IL2RA: variants seen among roughly 807,000 people sequenced by gnomAD.
The protein encoded by IL2RA is interleukin 2 receptor subunit alpha.
A neutral mutation model predicts 37.8 loss-of-function variants in IL2RA; 24 were observed. The observed-to-expected ratio is 0.63, with a 90% CI of 0.46 to 0.89. The LOEUF is 0.89. Among genes scored for constraint, IL2RA ranks in the 40% least tolerant of loss-of-function variants. IL2RA has a pLI of 0.00. For missense variants in IL2RA, 319 were observed against 348.6 expected (o/e 0.92, Z 0.68); for synonymous variants, 125 against 114.6 (o/e 1.09, Z -0.58).
At position 6,016,658 on chromosome 10, in the gene IL2RA, C is replaced by T. The variant is rs79047641; in HGVS notation, c.794+1395G>A. On this transcript the variant is annotated intron_variant, in intron 7 of 7. Coordinates refer to ENST00000379959, the MANE Select transcript of IL2RA (RefSeq NM_000417.3). ...CGCGATCTTGGCTCACTGCAACCTC[C>T]GCCTCCTGGGTTCAAGTGATTCTCC... Among the ~76,000 whole-genome samples the T allele has an allele frequency of 6.4e-4, 97 of 152,118 alleles. 2 individuals carry two copies. In the East Asian group the frequency reaches 0.016, roughly 25 times the overall value.
chr10:6,056,423 G>A lies in IL2RA; in HGVS notation c.64+5665C>T, dbSNP rs1363315079. Reference sequence around the variant, plus strand: ...TATGTGAACTCTTTCAGTGAAGAAGGTCTTATAACTTTTAGAAGTAATCAA... The same window carrying A: ...TATGTGAACTCTTTCAGTGAAGAAGATCTTATAACTTTTAGAAGTAATCAA... On this transcript the variant is annotated intron_variant, in intron 1 of 7. Transcript: ENST00000379959. This position sits in a 1 kb window ranked among gnomAD's most constrained non-coding sequence, Gnocchi z 5.0. Among the ~76,000 whole-genome samples, 1 of 152,228 alleles carries A rather than the reference G, an allele frequency of 6.6e-6. No homozygotes were observed. Among genetic ancestry groups the A allele is most frequent in the Admixed American group, 6.5e-5 (1 of 15,284 alleles).
At position 6,021,369 on chromosome 10, in the gene IL2RA, G is replaced by T; in HGVS notation, c.583+109C>A. 1 of 935,158 alleles carries T rather than the reference G, an allele frequency of 1.1e-6. No homozygotes were observed. The highest frequency in any genetic ancestry group is 1.3e-5 in the South Asian group (1 of 76,616). The allele number at this position is 935,158 out of a possible 1,614,324, so 57.9% of individuals were successfully genotyped here. On this transcript the variant is annotated intron_variant, in intron 4 of 7. Coordinates refer to ENST00000379959, the MANE Select transcript of IL2RA (RefSeq NM_000417.3). This position sits in a 1 kb window ranked among gnomAD's most constrained non-coding sequence, Gnocchi z 4.9. The stretch of plus-strand genomic sequence containing the variant: ...AAAATGGAAGCCCAGGGAGATCAAG[G>T]GTCTTGTCCAAGGACCACTCTTGTC...
intron 1 of IL2RA, among the ~76,000 whole-genome samples, chr10:6,039,030 G>C (rs1839731352): frequency 6.6e-6 from 1 of 152,222 alleles, no homozygotes; most frequent in Non-Finnish European, 1.5e-5. Context: ...TGCAGTTACA[G>C]AATGTTGGAC....
rs906040676 is a variant in IL2RA at position 6,014,640 on chromosome 10, C to A, written c.795-1744G>T. ...GTTCAGCCTGAGGAAGGAGAGGATG[C>A]AAGTACTGAGTACACGTACAACATG... is the stretch of plus-strand genomic sequence containing the variant. On this transcript the variant is annotated intron_variant, in intron 7 of 7. Coordinates refer to ENST00000379959, the MANE Select transcript of IL2RA (RefSeq NM_000417.3). This position sits in a 1 kb window ranked among gnomAD's most constrained non-coding sequence, Gnocchi z 4.4. Among the ~76,000 whole-genome samples the A allele has an allele frequency of 1.3e-5, 2 of 152,160 alleles. No individual in the cohort carries two copies. The highest frequency in any genetic ancestry group is 4.8e-5 in the African/African-American group (2 of 41,430).
intron 1 of IL2RA, 69 bp from the exon 2 acceptor site, chr10:6,026,094 T>C: frequency 6.9e-7 from 1 of 1,451,472 alleles, no homozygotes; most frequent in Admixed American, 1.7e-5. Flanking sequence ...TTTAATCCTA[T>C]AATGACTTAA....
intron 1 of IL2RA, among the ~76,000 whole-genome samples, chr10:6,038,813 A>T (rs1164546219): frequency 2.0e-5 from 3 of 152,260 alleles, no homozygotes; most frequent in Admixed American, 1.3e-4. Context: ...ATTCATGTTA[A>T]GATGTTAAAA....
Position 6,033,834 on chromosome 10 carries a change from T to C in IL2RA, c.65-7809A>G, listed in dbSNP as rs1288442866. ...AGTGATGAAAACGTTTTTGCAGCTGTACACATTTGTCAAAACTCATCAAAT... is the reference window on the plus strand; with the variant it reads ...AGTGATGAAAACGTTTTTGCAGCTGCACACATTTGTCAAAACTCATCAAAT... On this transcript the variant is annotated intron_variant, in intron 1 of 7. Coordinates refer to ENST00000379959, the MANE Select transcript of IL2RA (RefSeq NM_000417.3). This position sits in a 1 kb window ranked among gnomAD's most constrained non-coding sequence, Gnocchi z 4.3. 5.3e-5 allele frequency among the ~76,000 whole-genome samples: 8 copies of C among 152,240 alleles called. No individual in the cohort carries two copies. The highest frequency in any genetic ancestry group is 1.9e-4 in the African/African-American group (8 of 41,466).
intron 1 of IL2RA, among the ~76,000 whole-genome samples, chr10:6,040,018 C>T (rs1392629615): frequency 6.6e-6 from 1 of 152,164 alleles, no homozygotes; most frequent in South Asian, 2.1e-4. Context: ...AAAACAGCAT[C>T]ATCATATGGA....
In IL2RA at chr10:6,058,438, G is replaced by A. The variant is rs1039588104; in HGVS notation, c.64+3650C>T. ...AGGAAAGTAGCAACTGTCTTATGAA[G>A]AGCTCCCAATGTTTAGGAAAGCCCT... On this transcript the variant is annotated intron_variant, in intron 1 of 7. Transcript: ENST00000379959. This position sits in a 1 kb window ranked among gnomAD's most constrained non-coding sequence, Gnocchi z 4.2. 6.6e-6 allele frequency among the ~76,000 whole-genome samples: 1 copy of A among 152,188 alleles called. No individual in the cohort carries two copies. Among genetic ancestry groups the A allele is most frequent in the Non-Finnish European group, 1.5e-5 (1 of 68,012 alleles).
chr10:6,013,326 G>A (rs12722597), intron 7 of IL2RA, among the ~76,000 whole-genome samples: 7,342 of 152,252 alleles, frequency 0.048, 201 homozygotes, highest in Middle Eastern at 0.078. Flanking sequence ...CTTGAAATGT[G>A]GCTAGTGCAA....
rs766009104 is a variant in IL2RA, at chr10:6,054,280, C to G, written c.64+7808G>C. ...TGGGACTCCAGCCCTGTGGTGTGCA[C>G]GTGGCTCGGGCTGGGTCAGGAAAAA... On this transcript the variant is annotated intron_variant, in intron 1 of 7. Coordinates refer to ENST00000379959, the MANE Select transcript of IL2RA (RefSeq NM_000417.3). The surrounding 1 kb of genome is among the most constrained non-coding windows in gnomAD (Gnocchi z 4.5). Among the ~76,000 whole-genome samples the G allele has an allele frequency of 3.3e-5, 5 of 152,146 alleles. No individual in the cohort carries two copies. The highest frequency in any genetic ancestry group is 7.3e-5 in the Non-Finnish European group (5 of 68,044).
At chr10:6,037,061 A>C (rs1464512006) in intron 1 of IL2RA, among the ~76,000 whole-genome samples, 1 of 152,098 alleles carries the variant, frequency 6.6e-6, no homozygotes, top group African/African-American at 2.4e-5. Flanking sequence ...CCCCCTCTCC[A>C]TCTGCCCCCT....
intron 1 of IL2RA, among the ~76,000 whole-genome samples, chr10:6,060,613 G>C (rs184332316): frequency 2.0e-5 from 3 of 152,074 alleles, no homozygotes; most frequent in African/African-American, 7.2e-5. Flanking sequence ...AAATTAGCTG[G>C]TCGTGGTGGT....
rs71390109 is a variant in IL2RA at position 6,017,572 on chromosome 10, ATT to A, written c.794+479_794+480del. Among the ~76,000 whole-genome samples, 328 of 104,844 alleles carry A rather than the reference ATT, an allele frequency of 3.1e-3. 1 individual carries two copies. The highest frequency in any genetic ancestry group is 0.022 in the Middle Eastern group (4 of 182). 68.8% of individuals were successfully genotyped at this position (104,844 alleles called of 152,430 possible). On this transcript the variant is annotated intron_variant, in intron 7 of 7. Coordinates refer to ENST00000379959, the MANE Select transcript of IL2RA (RefSeq NM_000417.3). ...GCCTTCCCATTTCCCTGGTCGTTTAATTTTTTTTTTTTTTTTTTTTTGAGACA... is the reference window on the plus strand; with the variant it reads ...GCCTTCCCATTTCCCTGGTCGTTTAATTTTTTTTTTTTTTTTTTTGAGACA...
rs1006818127 is a variant in IL2RA at position 6,026,043 on chromosome 10, C to A, written c.65-18G>T. On this transcript the variant is annotated intron_variant, in intron 1 of 7. Coordinates refer to ENST00000379959, the MANE Select transcript of IL2RA (RefSeq NM_000417.3). ...ACAGAGCTCTGCAAAGCAAAAGAAG[C>A]CTATTAGGAACTCAAGAGGCCCCAG... 2.5e-6 allele frequency: 4 copies of A among 1,612,128 alleles called. No individual in the cohort carries two copies. Among genetic ancestry groups the A allele is most frequent in the Non-Finnish European group, 3.4e-6 (4 of 1,179,848 alleles).
Position 6,029,242 on chromosome 10 carries a change from G to C in IL2RA, c.65-3217C>G, listed in dbSNP as rs1401983145. The stretch of plus-strand genomic sequence containing the variant: ...TGCAATGGTGCAATCTTGACTCACT[G>C]CAACCTCTGCCCCCCGGGTTCAAGC... On this transcript the variant is annotated intron_variant, in intron 1 of 7. Transcript: ENST00000379959. This position sits in a 1 kb window ranked among gnomAD's most constrained non-coding sequence, Gnocchi z 4.6. Among the ~76,000 whole-genome samples, 1 of 150,856 alleles carries C rather than the reference G, an allele frequency of 6.6e-6. No individual in the cohort carries two copies. Among genetic ancestry groups the C allele is most frequent in the Non-Finnish European group, 1.5e-5 (1 of 67,832 alleles).
At chr10:6,038,451 T>A (rs2132877548) in intron 1 of IL2RA, among the ~76,000 whole-genome samples, 1 of 152,308 alleles carries the variant, frequency 6.6e-6, no homozygotes, top group East Asian at 1.9e-4. Flanking sequence ...ATATATTACC[T>A]TCAATGCTCA....
At position 6,025,855 on chromosome 10, in the gene IL2RA, G is replaced by T. The variant is rs1839474766; in HGVS notation, c.235C>A (p.Gln79Lys). Residue 79 changes from glutamine (Q) to lysine (K), a missense_variant, in exon 2 of 8, where the codon CAA (glutamine) becomes AAA (lysine). Physicochemically the swap from Gln to Lys is moderately conservative, Grantham distance 53. Coordinates refer to ENST00000379959, the MANE Select transcript of IL2RA (RefSeq NM_000417.3). This position sits in a 1 kb window ranked among gnomAD's most constrained non-coding sequence, Gnocchi z 4.4. ...TTACCAGAGCTTGTGCATTGACATT[G>T]GTTGTCCCAGGACGAGTGGCTAGAG... The part of the protein sequence containing the change: ...GNSSHSSWDN[Q>K]CQCTSSATRN... 2 of 1,614,150 alleles carry T rather than the reference G, an allele frequency of 1.2e-6. No homozygotes were observed. The highest frequency in any genetic ancestry group is 1.7e-6 in the Non-Finnish European group (2 of 1,180,012).
In IL2RA at chr10:6,048,420, T is replaced by C. The variant is rs1839899506; in HGVS notation, c.64+13668A>G. 6.6e-6 allele frequency among the ~76,000 whole-genome samples: 1 copy of C among 152,156 alleles called. No individual in the cohort carries two copies. Among genetic ancestry groups the C allele is most frequent in the African/African-American group, 2.4e-5 (1 of 41,428 alleles). On this transcript the variant is annotated intron_variant, in intron 1 of 7. Transcript: ENST00000379959. This position sits in a 1 kb window ranked among gnomAD's most constrained non-coding sequence, Gnocchi z 5.3. ...GGAGGACAGTTCTGGATGTGTAGAC[T>C]GAGCAGCCTGTGAGGCATCCACACG...
Sources: allele counts gnomAD v4.1 joint callset (sites outside exome capture counted in the v4.1 genomes callset), GRCh38; gene constraint gnomAD v4.1.1; non-coding constraint Gnocchi (gnomAD v3.1); transcripts MANE v1.5; gene names NCBI Gene and HGNC (gene_info 2026-07-23, HGNC 2026-07-21).